The following FER1L6 variants were observed in gnomAD, a reference collection of about 807,000 sequenced individuals.
FER1L6 encodes the protein fer-1 like family member 6.
A neutral mutation model predicts 219.2 loss-of-function variants in FER1L6; 177 were observed. The observed-to-expected ratio is 0.81, with a 90% CI of 0.71 to 0.91. The LOEUF (loss-of-function observed/expected upper bound fraction) is 0.91. Ranked by LOEUF, FER1L6 falls within the 40% of genes least tolerant of loss-of-function variation. The probability of loss-of-function intolerance (pLI) is 0.00; values close to 1 mark genes in which losing one functional copy is unlikely to be tolerated. For synonymous variants in FER1L6, 768 were observed against 824.3 expected, an observed-to-expected ratio of 0.93 and a Z score of 1.17; for missense variants, 2,153 against 2,259.9, an observed-to-expected ratio of 0.95 and a Z score of 0.96.
chr8:123,921,224 C>T lies in FER1L6; in HGVS notation c.-7-34768C>T, dbSNP rs571756773. Among the ~76,000 whole-genome samples, 38 of 152,254 alleles carry T rather than the reference C, an allele frequency of 2.5e-4. 1 individual carries two copies. The South Asian group carries it at 7.2e-3, about 29-fold the overall frequency. On this transcript the variant is annotated intron_variant, in intron 1 of 40. Coordinates refer to ENST00000522917, the MANE Select transcript of FER1L6 (RefSeq NM_001039112.2). ...ACCCAGAACCGGTATTGCTGGGTCACGTGGTAGTTCTATTTTTAATTTTTT... is the reference window on the plus strand; with the variant it reads ...ACCCAGAACCGGTATTGCTGGGTCATGTGGTAGTTCTATTTTTAATTTTTT...
rs1822611525 is a variant in FER1L6, at chr8:124,103,057, G to GTGAA, written c.5126-77_5126-74dup. On this transcript the variant is annotated intron_variant, in intron 38 of 40. Transcript: ENST00000522917. ...TGATTGAATGAGTAGGAAGTGAAGGGTGAATGAATGAATGAGGATGGTGAT... is the reference window on the plus strand; with the variant it reads ...TGATTGAATGAGTAGGAAGTGAAGGGTGAATGAATGAATGAATGAGGATGGTGAT... The GTGAA allele has an allele frequency of 1.5e-5, 18 of 1,167,832 alleles. No individual in the cohort carries two copies. In the East Asian group the frequency reaches 4.2e-4, roughly 27 times the overall value. The allele number at this position is 1,167,832 out of a possible 1,614,324, so 72.3% of individuals were successfully genotyped here. A position where few individuals can be genotyped will look rare whatever the true frequency, so the allele number is the denominator to read the frequency against.
At chr8:124,110,652 G>A (rs1822984387) in intron 39 of FER1L6, among the ~76,000 whole-genome samples, 1 of 152,140 alleles carries the variant, frequency 6.6e-6, no homozygotes, top group African/African-American at 2.4e-5. Context: ...CTTTTATATA[G>A]CTGAGCAGCA....
intron 12 of FER1L6, among the ~76,000 whole-genome samples, chr8:123,987,616 GT>G (rs1241781023): frequency 1.3e-5 from 2 of 152,106 alleles, no homozygotes; most frequent in Admixed American, 6.5e-5. Flanking sequence ...GCCCTGGAGA[GT>G]TTTCCCAATG....
intron 1 of FER1L6, among the ~76,000 whole-genome samples, chr8:123,921,648 C>G (rs937414321): frequency 6.6e-6 from 1 of 151,404 alleles, no homozygotes; most frequent in Admixed American, 6.6e-5. Context: ...GAGTGTGTGC[C>G]GGGACAGCGG....
chr8:123,875,340 G>C (rs11780211), intron 1 of FER1L6, among the ~76,000 whole-genome samples: 76,759 of 152,004 alleles, frequency 0.5, 19,839 homozygotes, highest in Middle Eastern at 0.58. Context: ...TAACAATTCT[G>C]ATTTCACTCT....
At chr8:123,975,389 T>C (rs1282707766) in intron 8 of FER1L6, 83 bp downstream of exon 8, 3 of 1,331,942 alleles carry the variant, frequency 2.3e-6, no homozygotes, top group African/African-American at 1.5e-5. Context: ...ACTTTTCTTA[T>C]GGGTACATGA....
At chr8:123,971,460 G>C (rs1028937098) in intron 6 of FER1L6, among the ~76,000 whole-genome samples, 1 of 152,184 alleles carries the variant, frequency 6.6e-6, no homozygotes, top group African/African-American at 2.4e-5. Context: ...AGGATTGTCT[G>C]ATGAACAGTT....
chr8:124,077,904 C>T (rs993998184), intron 32 of FER1L6, among the ~76,000 whole-genome samples: 1 of 152,172 alleles, frequency 6.6e-6, no homozygotes, highest in Non-Finnish European at 1.5e-5. Context: ...CCAGGGTCTG[C>T]GGAATCCTTC....
intron 22 of FER1L6, among the ~76,000 whole-genome samples, chr8:124,057,243 G>T (rs1820339797): frequency 6.6e-6 from 1 of 152,000 alleles, no homozygotes; most frequent in Admixed American, 6.6e-5. Context: ...TGTTTTGTTT[G>T]CCTGGGTTGG....
chr8:123,856,786 C>T (rs532791048), intron 1 of FER1L6, among the ~76,000 whole-genome samples: 4 of 152,028 alleles, frequency 2.6e-5, no homozygotes, highest in Admixed American at 6.6e-5. Context: ...CAAGTTATAC[C>T]CCATTCCCGT....
intron 31 of FER1L6, among the ~76,000 whole-genome samples, chr8:124,073,794 A>G (rs755488758): frequency 6.6e-6 from 1 of 152,204 alleles, no homozygotes; most frequent in Non-Finnish European, 1.5e-5. Context: ...GTGATGTGGG[A>G]ATTAAGAAGA....
At chr8:123,967,414 C>T (rs1815597871) in intron 5 of FER1L6, among the ~76,000 whole-genome samples, 1 of 152,196 alleles carries the variant, frequency 6.6e-6, no homozygotes, top group Non-Finnish European at 1.5e-5. Context: ...TTTTCATTGC[C>T]TTGATATGCC....
chr8:124,035,548 C>G (rs1373274961), intron 19 of FER1L6, 94 bp downstream of exon 19: 1 of 1,306,038 alleles, frequency 7.7e-7, no homozygotes, highest in African/African-American at 1.5e-5. Context: ...GTTTTTTGCA[C>G]ATTATTTTAG....
chr8:123,951,164 A>T (rs144653869), intron 1 of FER1L6, among the ~76,000 whole-genome samples: 3 of 152,342 alleles, frequency 2.0e-5, no homozygotes, highest in African/African-American at 7.2e-5. Context: ...AAGGGTTTGT[A>T]AACCTGTGGC....
At chr8:123,934,660 G>A (rs1247298421) in intron 1 of FER1L6, among the ~76,000 whole-genome samples, 1 of 152,002 alleles carries the variant, frequency 6.6e-6, no homozygotes, top group Non-Finnish European at 1.5e-5. Context: ...GGTACCACCA[G>A]ACTGCCCCCA....
intron 1 of FER1L6, among the ~76,000 whole-genome samples, chr8:123,936,238 A>G (rs535898744): frequency 6.6e-6 from 1 of 152,192 alleles, no homozygotes; most frequent in Non-Finnish European, 1.5e-5. Flanking sequence ...TGTTTCAAGC[A>G]TAGAACCAGA....
chr8:123,966,036 G>A lies in FER1L6; in HGVS notation c.227G>A (p.Gly76Glu), dbSNP rs1480438779. The A allele has an allele frequency of 1.2e-6, 2 of 1,613,540 alleles. No individual in the cohort carries two copies. The highest frequency in any genetic ancestry group is 8.5e-7 in the Non-Finnish European group (1 of 1,179,758). Reference sequence around the variant, plus strand: ...AAACTGTTGACTAAGATCCATGATGGGGAGGTCAGATCCCAAAATTATCAA... The same window carrying A: ...AAACTGTTGACTAAGATCCATGATGAGGAGGTCAGATCCCAAAATTATCAA... ...RSKLLTKIHD[G>E]EVRSQNYQIA... is the part of the protein sequence containing the mutation. Residue 76 changes from glycine (G) to glutamate (E), a missense_variant, in exon 4 of 41, where the codon GGG (glycine) becomes GAG (glutamate). Transcript: ENST00000522917.
intron 1 of FER1L6, among the ~76,000 whole-genome samples, chr8:123,949,069 TCTTA>T (rs1415954744): frequency 6.6e-6 from 1 of 152,162 alleles, no homozygotes; most frequent in Non-Finnish European, 1.5e-5. Context: ...CCCCAGTCAT[TCTTA>T]CTTGATCATT....
chr8:123,947,172 G>A (rs1480575026), intron 1 of FER1L6, among the ~76,000 whole-genome samples: 1 of 151,778 alleles, frequency 6.6e-6, no homozygotes, highest in Non-Finnish European at 1.5e-5. Context: ...TGTAGTCCTA[G>A]CTACTTGGGA....
Sources: allele counts gnomAD v4.1 joint callset (sites outside exome capture counted in the v4.1 genomes callset), GRCh38; gene constraint gnomAD v4.1.1; transcripts MANE v1.5; gene names NCBI Gene and HGNC (gene_info 2026-07-23, HGNC 2026-07-21).